The following ANKRD36B variants were observed in gnomAD, a reference collection of about 807,000 sequenced individuals.
ANKRD36B encodes the protein ankyrin repeat domain-containing protein 36B.
In ANKRD36B, 37 loss-of-function variants were observed where a neutral mutation model predicts 135.7. That is an observed-to-expected ratio of 0.27 (90% CI 0.21 to 0.36). The LOEUF (loss-of-function observed/expected upper bound fraction) is 0.36, where lower values mean the gene tolerates loss of function less well. Ranked by LOEUF, ANKRD36B falls within the 10% of genes least tolerant of loss-of-function variation. The probability of loss-of-function intolerance (pLI) is 1.00; values close to 1 mark genes in which losing one functional copy is unlikely to be tolerated. For missense variants in ANKRD36B, 549 were observed against 1,037.1 expected (o/e 0.53, Z 6.46); for synonymous variants, 179 against 348.1 (o/e 0.51, Z 5.41).
rs2922564 is a variant in ANKRD36B, at chr2:97,536,012, C to T, written c.2191+288G>A. Reference sequence around the variant, plus strand: ...CCAGGAAGGTGGAGGTTGTGGTGAGCTACAATTGAGCCATTGCACTCCAGC... The same window carrying T: ...CCAGGAAGGTGGAGGTTGTGGTGAGTTACAATTGAGCCATTGCACTCCAGC... On this transcript the variant is annotated intron_variant, in intron 34 of 43. Coordinates refer to ENST00000359901, the MANE Select transcript of ANKRD36B (RefSeq NM_001393939.1). Among the ~76,000 whole-genome samples the T allele has an allele frequency of 7.5e-5, 7 of 93,836 alleles. 2 individuals are homozygous for T. Among genetic ancestry groups the T allele is most frequent in the African/African-American group, 1.3e-4 (4 of 31,202 alleles). 61.6% of individuals were successfully genotyped at this position (93,836 alleles called of 152,430 possible).
At position 97,585,107 on chromosome 2, in the gene ANKRD36B, A is replaced by G; in HGVS notation, c.287T>C (p.Leu96Pro). 1 of 1,613,556 alleles carries G rather than the reference A, an allele frequency of 6.2e-7. No individual in the cohort carries two copies. Among genetic ancestry groups the G allele is most frequent in the African/African-American group, 1.3e-5 (1 of 74,968 alleles). ...DRTPLIKAVQ[L>P]RQEACATLLL... The stretch of plus-strand genomic sequence containing the variant: ...AAGAGTTGCACAAGCCTCCTGCCTC[A>G]GTTGTACAGCCTGTCAGTATTAGAC... Residue 96 changes from leucine to proline, a missense_variant, in exon 3 of 44, where the codon CTG becomes CCG. Physicochemically the swap from Leu to Pro is moderately conservative, Grantham distance 98 (BLOSUM62 -3). Transcript: ENST00000359901.
intron 6 of ANKRD36B, among the ~76,000 whole-genome samples, chr2:97,569,773 T>C (rs1268319079): frequency 2.4e-4 from 37 of 152,290 alleles, no homozygotes; most frequent in Non-Finnish European, 5.9e-5. Flanking sequence ...CTATTACTAA[T>C]ATATTGCTAT....
rs80295552 is a variant in ANKRD36B at position 97,513,253 on chromosome 2, A to C, written c.2732T>G (p.Val911Gly). The stretch of plus-strand genomic sequence containing the variant: ...GAGAGCCGGTTTAATTGGTTTTGTC[A>C]CATCAGCTTCTATCCTATATTGCTC... ...TEEQYRIEAD[V>G]TKPIKPALKS... Residue 911 changes from valine to glycine, a missense_variant, in exon 38 of 44, where the codon GTG (valine) becomes GGG (glycine). Transcript: ENST00000359901. 6 of 1,544,370 alleles carry C rather than the reference A, an allele frequency of 3.9e-6. 1 individual carries two copies. Among genetic ancestry groups the C allele is most frequent in the Non-Finnish European group, 5.2e-6 (6 of 1,154,890 alleles).
At position 97,532,823 on chromosome 2, in the gene ANKRD36B, G is replaced by A. The variant is rs1490754281; in HGVS notation, c.2192-439C>T. ...GTATAATATGTACTTCTTTAAGAAA[G>A]GCTTTTAATCCTCCAAAACTTCAGC... On this transcript the variant is annotated intron_variant, in intron 34 of 43. Coordinates refer to ENST00000359901, the MANE Select transcript of ANKRD36B (RefSeq NM_001393939.1). Among the ~76,000 whole-genome samples the A allele has an allele frequency of 4.2e-5, 4 of 95,014 alleles. 1 individual carries two copies. Among genetic ancestry groups the A allele is most frequent in the African/African-American group, 1.3e-4 (4 of 31,798 alleles). The allele number at this position is 95,014 out of a possible 152,430, so 62.3% of individuals were successfully genotyped here.
At position 97,563,913 on chromosome 2, in the gene ANKRD36B, T is replaced by C. The variant is rs139421154; in HGVS notation, c.764-3053A>G. ...TCAACATGAAGAGAGCATAATTAAA[T>C]ATGCTGCCATCATCACATGGCATAT... On this transcript the variant is annotated intron_variant, in intron 6 of 43. Transcript: ENST00000359901. Among the ~76,000 whole-genome samples the C allele has an allele frequency of 1.0e-3, 158 of 152,278 alleles. 4 individuals carry two copies. The East Asian group carries it at 0.013, about 12-fold the overall frequency.
chr2:97,529,955 G>A (rs2078472695), intron 35 of ANKRD36B, among the ~76,000 whole-genome samples: 1 of 96,084 alleles, frequency 1.0e-5, no homozygotes, highest in African/African-American at 3.1e-5. Context: ...GGAAGAATCA[G>A]TATCGTTAAA....
At position 97,551,451 on chromosome 2, in the gene ANKRD36B, C is replaced by A; in HGVS notation, c.1302+1G>T. On this transcript the variant is annotated splice_donor_variant, in intron 17 of 43. Transcript: ENST00000359901. LOFTEE classifies it high-confidence loss of function. ...CACAATATAAATGAGAGTTTCATTACCTTCAAGGCTGGTTTTTTCTGAGAA... is the reference window on the plus strand; with the variant it reads ...CACAATATAAATGAGAGTTTCATTAACTTCAAGGCTGGTTTTTTCTGAGAA... The A allele has an allele frequency of 6.2e-7, 1 of 1,606,994 alleles. No homozygotes were observed. Among genetic ancestry groups the A allele is most frequent in the Non-Finnish European group, 8.5e-7 (1 of 1,178,774 alleles).
rs1301102706 is a variant in ANKRD36B, at chr2:97,528,355, C to T, written c.2265+3956G>A. ...AAATAAAGATGTTCTTTGAAACCAA[C>T]GAGAACAAAGACACAACATACCAGA... On this transcript the variant is annotated intron_variant, in intron 35 of 43. Coordinates refer to ENST00000359901, the MANE Select transcript of ANKRD36B (RefSeq NM_001393939.1). Among the ~76,000 whole-genome samples, 57 of 93,640 alleles carry T rather than the reference C, an allele frequency of 6.1e-4. 22 individuals are homozygous for T. The highest frequency in any genetic ancestry group is 1.5e-3 in the Non-Finnish European group (54 of 35,336). The allele number at this position is 93,640 out of a possible 152,430, so 61.4% of individuals were successfully genotyped here.
At chr2:97,574,602 C>T (rs1027922818) in intron 6 of ANKRD36B, among the ~76,000 whole-genome samples, 6 of 152,116 alleles carry the variant, frequency 3.9e-5, no homozygotes, top group Non-Finnish European at 8.8e-5. Flanking sequence ...CTGTAGACTA[C>T]TTCTGATTGA....
rs1223107624 is a variant in ANKRD36B at position 97,576,935 on chromosome 2, G to A, written c.696-489C>T. On this transcript the variant is annotated intron_variant, in intron 5 of 43. Transcript: ENST00000359901. ...TTTGAAATCCCAAATCAAACCCAAT[G>A]TGTATTTTTTCATAGGTTCTAATAT... Among the ~76,000 whole-genome samples the A allele has an allele frequency of 2.0e-5, 3 of 152,024 alleles. No homozygotes were observed. In the East Asian group the frequency reaches 5.8e-4, roughly 29 times the overall value.
chr2:97,530,554 T>C lies in ANKRD36B; in HGVS notation c.2265+1757A>G, dbSNP rs1245499858. ...GGCAACAAAAGCCAAAATTGACAGA[T>C]GGGATCTAATTAAGCTAAAGAGCTT... On this transcript the variant is annotated intron_variant, in intron 35 of 43. Transcript: ENST00000359901. Among the ~76,000 whole-genome samples, 7 of 95,940 alleles carry C rather than the reference T, an allele frequency of 7.3e-5. 2 individuals carry two copies. 62.9% of individuals were successfully genotyped at this position (95,940 alleles called of 152,430 possible).
At chr2:97,575,566 T>C (rs929107323) in intron 6 of ANKRD36B, among the ~76,000 whole-genome samples, 6 of 148,164 alleles carry the variant, frequency 4.0e-5, no homozygotes, top group African/African-American at 7.4e-5. Flanking sequence ...GCTTCTGCTT[T>C]ATATTTCTAC....
chr2:97,573,141 G>C (rs900715881), intron 6 of ANKRD36B, among the ~76,000 whole-genome samples: 1 of 151,784 alleles, frequency 6.6e-6, no homozygotes, highest in African/African-American at 2.4e-5. Context: ...TCAATTCCCA[G>C]CTATGAGTGA....
rs935985502 is a variant in ANKRD36B at position 97,557,647 on chromosome 2, T to C, written c.968-515A>G. Among the ~76,000 whole-genome samples, 3 of 151,776 alleles carry C rather than the reference T, an allele frequency of 2.0e-5. 1 individual carries two copies. Among genetic ancestry groups the C allele is most frequent in the African/African-American group, 7.3e-5 (3 of 41,364 alleles). ...ACACTTCACAAGTCCTCGGTGGAAG[T>C]GGCCCAGCTTCAACAGCTTGGATAT... On this transcript the variant is annotated intron_variant, in intron 10 of 43. Transcript: ENST00000359901.
intron 16 of ANKRD36B, among the ~76,000 whole-genome samples, chr2:97,552,062 C>G (rs574463942): frequency 5.3e-4 from 81 of 152,060 alleles, no homozygotes; most frequent in Non-Finnish European, 8.5e-4. Context: ...ATCTCTCACA[C>G]CCATGTGGTG....
chr2:97,549,121 G>C (rs2079783233), intron 20 of ANKRD36B, among the ~76,000 whole-genome samples: 1 of 151,880 alleles, frequency 6.6e-6, no homozygotes, highest in Admixed American at 6.6e-5. Flanking sequence ...ACAAGCTGTA[G>C]AATTAAAGCA....
rs1438653482 is a variant in ANKRD36B, at chr2:97,512,997, CTAAAA to C, written c.2805+178_2805+182del. On this transcript the variant is annotated intron_variant, in intron 38 of 43. Transcript: ENST00000359901. ...GCATTGTTTTCAAAAGGCCTTTGAA[CTAAAA>C]TAAAATATTTCAAGATTTATTATAA... is the stretch of plus-strand genomic sequence containing the variant. 9.7e-5 allele frequency among the ~76,000 whole-genome samples: 13 copies of C among 134,106 alleles called. 3 individuals carry two copies. In the East Asian group the frequency reaches 2.5e-3, roughly 26 times the overall value. 88.0% of individuals were successfully genotyped at this position (134,106 alleles called of 152,430 possible). A position where few individuals can be genotyped will look rare whatever the true frequency, so the allele number is the denominator to read the frequency against.
chr2:97,506,574 A>G (rs1294259659), intron 43 of ANKRD36B: 2 of 83,832 alleles, frequency 2.4e-5, no homozygotes, highest in African/African-American at 5.4e-5. Flanking sequence ...AACCAATGAC[A>G]AAGTCAATGA....
intron 5 of ANKRD36B, among the ~76,000 whole-genome samples, chr2:97,577,080 A>G (rs1379045852): frequency 6.6e-6 from 1 of 151,910 alleles, no homozygotes; most frequent in Non-Finnish European, 1.5e-5. Flanking sequence ...TTAATTTATG[A>G]ATATATTATT....
Sources: allele counts gnomAD v4.1 joint callset (sites outside exome capture counted in the v4.1 genomes callset), GRCh38; gene constraint gnomAD v4.1.1; transcripts MANE v1.5; gene names NCBI Gene and HGNC (gene_info 2026-07-23, HGNC 2026-07-21).